Variants in ACACA observed in about 807,000 individuals in gnomAD.
The protein encoded by ACACA is acetyl-CoA carboxylase alpha, also known as acetyl-CoA carboxylase 1.
Under a neutral mutation model 296.1 loss-of-function variants are expected in ACACA, and 103 were observed. That is an observed-to-expected ratio of 0.35 (90% CI 0.30 to 0.41). The LOEUF is 0.41. Among genes scored for constraint, ACACA ranks in the 10% least tolerant of loss-of-function variants. ACACA has a pLI of 1.00. For missense variants in ACACA, 1,554 were observed against 2,989.7 expected (o/e 0.52, Z 11.20); for synonymous variants, 953 against 1,038.6 (o/e 0.92, Z 1.58).
In ACACA at chr17:37,206,897, A is replaced by G; in HGVS notation, c.3852-18T>C. 1 of 1,591,512 alleles carries G rather than the reference A, an allele frequency of 6.3e-7. No homozygotes were observed. On this transcript the variant is annotated intron_variant, in intron 31 of 55. Coordinates refer to ENST00000616317, the MANE Select transcript of ACACA (RefSeq NM_198834.3). ...CAAAGATCCTAAAAAATACAAGAGA[A>G]ACACCCACCATGAAAACTCAAGTGG...
At chr17:37,237,911 A>G (rs931141693) in intron 24 of ACACA, among the ~76,000 whole-genome samples, 7 of 152,084 alleles carry the variant, frequency 4.6e-5, no homozygotes, top group African/African-American at 1.7e-4. Context: ...ACAGGCACAT[A>G]ACACTACACC....
At chr17:37,393,528 G>A (rs79845627) in intron 1 of ACACA, among the ~76,000 whole-genome samples, 6 of 152,006 alleles carry the variant, frequency 3.9e-5, no homozygotes, top group Non-Finnish European at 2.9e-5. Context: ...CAAAATCTGC[G>A]CTCATCAACT....
At chr17:37,088,521 C>CT (rs2072379368) in intron 55 of ACACA, among the ~76,000 whole-genome samples, 1 of 152,168 alleles carries the variant, frequency 6.6e-6, no homozygotes, top group African/African-American at 2.4e-5. Flanking sequence ...AAAAATGCCC[C>CT]TGCAGTCTCT....
intron 50 of ACACA, among the ~76,000 whole-genome samples, chr17:37,114,799 G>A (rs1168876276): frequency 6.6e-6 from 1 of 152,166 alleles, no homozygotes. Context: ...AGGTTCAACT[G>A]AGATCAAACT....
At chr17:37,191,297 A>T (rs2145091184) in intron 37 of ACACA, 22 bp from the exon 38 acceptor site, 2 of 1,609,590 alleles carry the variant, frequency 1.2e-6, no homozygotes, top group East Asian at 4.5e-5. Context: ...GAAAATAATC[A>T]ACATTAATGT....
intron 41 of ACACA, among the ~76,000 whole-genome samples, chr17:37,170,785 C>T (rs1003760881): frequency 1.3e-5 from 2 of 152,244 alleles, no homozygotes; most frequent in South Asian, 2.1e-4. Context: ...CCAAAATTGA[C>T]ATCAACATTA....
intron 1 of ACACA, chr17:37,365,740 T>TA (rs2049583770): frequency 1.0e-6 from 1 of 985,298 alleles, no homozygotes; most frequent in Admixed American, 6.2e-5. Flanking sequence ...GGCCACTTCA[T>TA]AAGTCTGGTC....
intron 8 of ACACA, among the ~76,000 whole-genome samples, chr17:37,275,495 C>CAAAAAAAAAAAAA (rs34064045): frequency 6.5e-5 from 4 of 61,636 alleles, no homozygotes; most frequent in Admixed American, 1.8e-4. Flanking sequence ...GACTCCAACT[C>CAAAAAAAAAAAAA]AAAAAAAAAA....
rs186660595 is a variant in ACACA at position 37,172,764 on chromosome 17, T to C, written c.5079+6496A>G. 1.2e-3 allele frequency among the ~76,000 whole-genome samples: 179 copies of C among 152,332 alleles called. 1 individual carries two copies. The highest frequency in any genetic ancestry group is 5.9e-4 in the Non-Finnish European group (40 of 68,014). On this transcript the variant is annotated intron_variant, in intron 41 of 55. Transcript: ENST00000616317. The stretch of plus-strand genomic sequence containing the variant: ...CATAATTATACATAATCATATGTAT[T>C]TGACCCTTTTCTGCTGAGGATCCCA...
At chr17:37,212,750 C>G (rs1371121316) in intron 29 of ACACA, among the ~76,000 whole-genome samples, 3 of 151,608 alleles carry the variant, frequency 2.0e-5, no homozygotes, top group Admixed American at 2.0e-4. Flanking sequence ...CTCAGCCTCC[C>G]AAAGTGCTAG....
intron 1 of ACACA, among the ~76,000 whole-genome samples, chr17:37,390,330 A>ATATATATATATATCTATATCTATATATC (rs1386032855): frequency 1.4e-4 from 6 of 41,582 alleles, no homozygotes; most frequent in African/African-American, 6.4e-4. Context: ...ATATATATAT[A>ATATATATATATATCTATATCTATATATC]TATAAAAGGC....
intron 41 of ACACA, among the ~76,000 whole-genome samples, chr17:37,172,724 T>C (rs1190236849): frequency 1.3e-5 from 2 of 152,214 alleles, no homozygotes; most frequent in Non-Finnish European, 2.9e-5. Context: ...ATAATCATAA[T>C]CATTTATGGA....
intron 14 of ACACA, among the ~76,000 whole-genome samples, chr17:37,256,350 A>G (rs2081227985): frequency 6.6e-6 from 1 of 152,206 alleles, no homozygotes; most frequent in African/African-American, 2.4e-5. Context: ...CAGTGTTTTA[A>G]TTTTGAAAAA....
chr17:37,257,122 A>T (rs537934950), intron 14 of ACACA, among the ~76,000 whole-genome samples: 1 of 152,314 alleles, frequency 6.6e-6, no homozygotes, highest in South Asian at 2.1e-4. Flanking sequence ...TATAGCAGTT[A>T]TATTTGCATA....
chr17:37,209,944 G>C (rs1204819621), intron 30 of ACACA, among the ~76,000 whole-genome samples: 1 of 152,022 alleles, frequency 6.6e-6, no homozygotes, highest in African/African-American at 2.4e-5. Flanking sequence ...TCTTATTATA[G>C]GTCTGAAATA....
intron 41 of ACACA, among the ~76,000 whole-genome samples, chr17:37,178,471 T>C (rs935416921): frequency 2.6e-5 from 4 of 152,266 alleles, no homozygotes; most frequent in Admixed American, 6.5e-5. Context: ...TGAATCCAAA[T>C]AAGAAAAAAC....
At chr17:37,393,280 C>T (rs1408876258) in intron 1 of ACACA, among the ~76,000 whole-genome samples, 3 of 152,058 alleles carry the variant, frequency 2.0e-5, no homozygotes, top group Admixed American at 2.0e-4. Context: ...CACTGATCCA[C>T]GATGTTGCCT....
intron 3 of ACACA, among the ~76,000 whole-genome samples, chr17:37,294,766 T>C (rs567425544): frequency 1.3e-5 from 2 of 152,312 alleles, no homozygotes; most frequent in East Asian, 1.9e-4. Flanking sequence ...GCCTAGGGTG[T>C]CCCCTTTGGA....
intron 23 of ACACA, among the ~76,000 whole-genome samples, chr17:37,241,703 T>C (rs2080415997): frequency 6.6e-6 from 1 of 151,778 alleles, no homozygotes; most frequent in Admixed American, 6.6e-5. Context: ...TGAGATCCTG[T>C]CTCAAAAAAT....
Sources: allele counts gnomAD v4.1 joint callset (sites outside exome capture counted in the v4.1 genomes callset), GRCh38; gene constraint gnomAD v4.1.1; transcripts MANE v1.5; gene names NCBI Gene and HGNC (gene_info 2026-07-23, HGNC 2026-07-21).